TEX9: variants seen among roughly 807,000 people sequenced by gnomAD.
TEX9 encodes the protein testis expressed 9, also known as testis-expressed protein 9.
In TEX9, 74 loss-of-function variants were observed where a neutral mutation model predicts 59.6. The observed-to-expected ratio is 1.24, with a 90% CI of 1.03 to 1.51. The LOEUF is 1.51. TEX9 is among the 40% of genes most tolerant of loss of function. The pLI, the probability that TEX9 is intolerant of heterozygous loss-of-function variation, is 0.00. For synonymous variants in TEX9, 186 were observed against 152.2 expected, an observed-to-expected ratio of 1.22 and a Z score of -1.64; for missense variants, 522 against 447.8, an observed-to-expected ratio of 1.17 and a Z score of -1.49.
chr15:56,391,039 A>G (rs1320881991), intron 6 of TEX9, among the ~76,000 whole-genome samples: 1 of 152,080 alleles, frequency 6.6e-6, no homozygotes, highest in African/African-American at 2.4e-5. Context: ...TCACATGTAG[A>G]TTTCATCATA....
chr15:56,335,595 G>C (rs568135407), intron 1 of TEX9, among the ~76,000 whole-genome samples: 147 of 152,144 alleles, frequency 9.7e-4, no homozygotes, highest in African/African-American at 3.5e-3. Flanking sequence ...AGCATAACAG[G>C]GTGATTATAG....
chr15:56,363,287 T>TG (rs1464538270), upstream of TEX9, among the ~76,000 whole-genome samples: 23 of 151,004 alleles, frequency 1.5e-4, no homozygotes, highest in East Asian at 4.3e-3. Context: ...TTTTTTGAGA[T>TG]GGAGTCTCCC....
intron 1 of TEX9, among the ~76,000 whole-genome samples, chr15:56,316,810 A>G (rs1463040304): frequency 7.9e-5 from 12 of 152,098 alleles, no homozygotes; most frequent in Non-Finnish European, 1.6e-4. Flanking sequence ...AGACTCCGTG[A>G]GCGTAGGACC....
At chr15:56,385,711 A>G (rs1006674286) in intron 4 of TEX9, among the ~76,000 whole-genome samples, 2 of 152,120 alleles carry the variant, frequency 1.3e-5, no homozygotes, top group Non-Finnish European at 2.9e-5. Flanking sequence ...AACTCTAACA[A>G]TGGACTATAA....
rs74953930 is a variant in TEX9 at position 56,294,158 on chromosome 15, T to C, written c.-107+49880T>C. Among the ~76,000 whole-genome samples the C allele has an allele frequency of 2.1e-3, 322 of 152,276 alleles. 1 individual carries two copies. Among genetic ancestry groups the C allele is most frequent in the African/African-American group, 7.2e-3 (301 of 41,554 alleles). On this transcript the variant is annotated intron_variant, in intron 1 of 5. Transcript: ENST00000560827. ...AAGTGCAGTCCACTAGTGCATATGA[T>C]TGGAGCTGGGAGGGAGGGGAGCTAG...
At chr15:56,459,605 G>A in the TEX9 span, among the ~76,000 whole-genome samples, 6 of 152,046 alleles carry the variant, frequency 3.9e-5, no homozygotes, top group South Asian at 2.1e-4. Flanking sequence ...AGCAACTAAC[G>A]TGTACTCTTC....
intron 10 of TEX9, among the ~76,000 whole-genome samples, chr15:56,415,355 T>C (rs2140174898): frequency 6.6e-6 from 1 of 152,042 alleles, no homozygotes; most frequent in East Asian, 1.9e-4. Flanking sequence ...CTTCCAGGGT[T>C]TTTATAGTTT....
intron 1 of TEX9, among the ~76,000 whole-genome samples, chr15:56,246,218 G>C (rs1421337550): frequency 6.6e-6 from 1 of 152,222 alleles, no homozygotes; most frequent in African/African-American, 2.4e-5. Flanking sequence ...GCAGCCGCGG[G>C]CTGCCCTCTA....
intron 1 of TEX9, among the ~76,000 whole-genome samples, chr15:56,323,899 T>C (rs2045961241): frequency 1.3e-5 from 2 of 152,144 alleles, no homozygotes; most frequent in Admixed American, 1.3e-4. Flanking sequence ...AATTGAAATG[T>C]AAGGCTCTGT....
At chr15:56,449,766 T>TA (rs1359056650), downstream of TEX9, among the ~76,000 whole-genome samples, 4 of 152,228 alleles carry the variant, frequency 2.6e-5, no homozygotes, top group African/African-American at 9.6e-5. Flanking sequence ...TATTTCTTCT[T>TA]GTGCCAATCA....
At chr15:56,412,114 A>G (rs927138902) in intron 9 of TEX9, among the ~76,000 whole-genome samples, 188 bp from the exon 10 acceptor site, 53 of 152,184 alleles carry the variant, frequency 3.5e-4, no homozygotes, top group Non-Finnish European at 2.4e-4. Flanking sequence ...TCTAATACCA[A>G]TTTGAGGCAA....
intron 1 of TEX9, among the ~76,000 whole-genome samples, chr15:56,293,542 T>G (rs1325774668): frequency 6.6e-6 from 1 of 152,128 alleles, no homozygotes; most frequent in African/African-American, 2.4e-5. Context: ...TAAATTCTAT[T>G]CTAGAATGTT....
At chr15:56,289,374 G>C (rs138396783) in intron 1 of TEX9, among the ~76,000 whole-genome samples, 1 of 152,136 alleles carries the variant, frequency 6.6e-6, no homozygotes, top group Non-Finnish European at 1.5e-5. Context: ...AGTTAGTTTT[G>C]CTGTGGAAAG....
intron 1 of TEX9, among the ~76,000 whole-genome samples, chr15:56,308,038 A>G (rs1212841081): frequency 6.6e-6 from 1 of 152,204 alleles, no homozygotes; most frequent in African/African-American, 2.4e-5. Context: ...GCTACTGTGA[A>G]CATCTGTGCA....
intron 1 of TEX9, among the ~76,000 whole-genome samples, chr15:56,271,482 CA>C (rs1596056578): frequency 6.6e-6 from 1 of 152,226 alleles, no homozygotes; most frequent in East Asian, 1.9e-4. Context: ...CTTTTCCTCT[CA>C]AGATGGGGTT....
intron 9 of TEX9, among the ~76,000 whole-genome samples, chr15:56,403,417 C>A (rs2048902827): frequency 6.6e-6 from 1 of 152,210 alleles, no homozygotes; most frequent in Non-Finnish European, 1.5e-5. Flanking sequence ...AGGAATCCAA[C>A]TTACAAGGGA....
chr15:56,262,022 A>G (rs183839177), intron 1 of TEX9, among the ~76,000 whole-genome samples: 2 of 152,300 alleles, frequency 1.3e-5, no homozygotes, highest in Non-Finnish European at 2.9e-5. Flanking sequence ...CAGTGGAGTC[A>G]TTCTGCTACA....
chr15:56,444,264 TATTA>T (rs1324285831), intron 12 of TEX9, among the ~76,000 whole-genome samples: 1 of 152,074 alleles, frequency 6.6e-6, no homozygotes, highest in Non-Finnish European at 1.5e-5. Context: ...ATAATTCATT[TATTA>T]ATTATGCTAA....
intron 9 of TEX9, among the ~76,000 whole-genome samples, chr15:56,402,756 C>G (rs1158209510): frequency 2.0e-5 from 3 of 152,132 alleles, no homozygotes; most frequent in Admixed American, 6.5e-5. Context: ...CAAACTGAAT[C>G]CAGCAGCATA....
Sources: allele counts gnomAD v4.1 joint callset (sites outside exome capture counted in the v4.1 genomes callset), GRCh38; gene constraint gnomAD v4.1.1; transcripts MANE v1.5; gene names NCBI Gene and HGNC (gene_info 2026-07-23, HGNC 2026-07-21).